GPC6: variants seen among roughly 807,000 people sequenced by gnomAD.
The protein encoded by GPC6 is glypican-6.
A neutral mutation model predicts 55.2 loss-of-function variants in GPC6; 14 were observed. That is an observed-to-expected ratio of 0.25 (90% CI 0.17 to 0.40). The LOEUF (loss-of-function observed/expected upper bound fraction) is 0.40, where lower values mean the gene tolerates loss of function less well. Ranked by LOEUF, GPC6 falls within the 10% of genes least tolerant of loss-of-function variation. GPC6 has a pLI of 1.00. For missense variants in GPC6, 641 were observed against 708.5 expected, an observed-to-expected ratio of 0.90 and a Z score of 1.08; for synonymous variants, 278 against 259.6, an observed-to-expected ratio of 1.07 and a Z score of -0.68.
At chr13:93,331,567 T>C (rs1026857046) in intron 1 of GPC6, among the ~76,000 whole-genome samples, 4 of 152,196 alleles carry the variant, frequency 2.6e-5, no homozygotes, top group Admixed American at 6.5e-5. Flanking sequence ...ATCTGGAGAA[T>C]TGATATTTTT....
chr13:93,653,642 A>AT (rs1449907822), intron 2 of GPC6, among the ~76,000 whole-genome samples: 766 of 57,724 alleles, frequency 0.013, 8 homozygotes, highest in African/African-American at 0.026. Flanking sequence ...AAACTTAAAA[A>AT]AAATATATAT....
chr13:94,393,522 G>A (rs1420101775), intron 7 of GPC6, among the ~76,000 whole-genome samples: 1 of 152,166 alleles, frequency 6.6e-6, no homozygotes, highest in Admixed American at 6.5e-5. Context: ...TGTATTGAGT[G>A]GAGCTCATTT....
intron 1 of GPC6, among the ~76,000 whole-genome samples, chr13:93,438,234 C>T (rs1429471380): frequency 1.3e-5 from 2 of 152,248 alleles, no homozygotes; most frequent in Admixed American, 1.3e-4. Context: ...CCTGCTAACA[C>T]GATACCCATT....
At chr13:94,173,215 G>C (rs1233599017) in intron 4 of GPC6, among the ~76,000 whole-genome samples, 1 of 152,092 alleles carries the variant, frequency 6.6e-6, no homozygotes, top group Non-Finnish European at 1.5e-5. Context: ...TCTGGCTGGG[G>C]ACTTGAAACT....
intron 1 of GPC6, among the ~76,000 whole-genome samples, chr13:93,515,015 G>A (rs1208238993): frequency 6.6e-6 from 1 of 152,104 alleles, no homozygotes. Flanking sequence ...GCCTTTGTGG[G>A]GTAACCAGGT....
intron 6 of GPC6, among the ~76,000 whole-genome samples, chr13:94,316,915 A>T (rs1001248901): frequency 3.9e-5 from 6 of 152,210 alleles, no homozygotes; most frequent in Admixed American, 1.3e-4. Context: ...GGCTGCAGCA[A>T]ATCAAATTGT....
At chr13:94,357,622 C>T (rs566898998) in intron 6 of GPC6, among the ~76,000 whole-genome samples, 2 of 152,306 alleles carry the variant, frequency 1.3e-5, no homozygotes, top group East Asian at 1.9e-4. Context: ...TGGTCACAGC[C>T]CTAAGGTACC....
intron 4 of GPC6, among the ~76,000 whole-genome samples, chr13:94,184,236 A>T (rs2138951301): frequency 6.6e-6 from 1 of 152,264 alleles, no homozygotes; most frequent in East Asian, 1.9e-4. Context: ...TTTTGGCTAA[A>T]TCTCCCAAAG....
intron 3 of GPC6, among the ~76,000 whole-genome samples, chr13:93,889,185 A>G (rs1308666809): frequency 2.0e-5 from 3 of 152,088 alleles, no homozygotes; most frequent in Non-Finnish European, 4.4e-5. Flanking sequence ...TGAAACATTT[A>G]TATACTCACT....
At chr13:93,667,437 A>ATT (rs199850025) in intron 2 of GPC6, among the ~76,000 whole-genome samples, 158 of 142,774 alleles carry the variant, frequency 1.1e-3, no homozygotes, top group African/African-American at 3.8e-3. Context: ...GAAGTTCTGG[A>ATT]TTTTTTTTTT....
In GPC6 at chr13:94,124,742, T is replaced by C. The variant is rs112818828; in HGVS notation, c.877+96848T>C. On this transcript the variant is annotated intron_variant, in intron 4 of 8. Coordinates refer to ENST00000377047, the MANE Select transcript of GPC6 (RefSeq NM_005708.5). ...GAAAGGTTTTTAAGAATTCAATTTG[T>C]AGAGACAGAGATTGAAAGCAAGGAC... is the stretch of plus-strand genomic sequence containing the variant. Among the ~76,000 whole-genome samples the C allele has an allele frequency of 5.2e-3, 786 of 152,260 alleles. 6 individuals carry two copies. Among genetic ancestry groups the C allele is most frequent in the African/African-American group, 0.018 (756 of 41,554 alleles).
At chr13:94,324,994 C>G (rs1877039501) in intron 6 of GPC6, among the ~76,000 whole-genome samples, 1 of 152,086 alleles carries the variant, frequency 6.6e-6, no homozygotes, top group Non-Finnish European at 1.5e-5. Context: ...CGTTAGAATC[C>G]TCGTGGTGTC....
intron 1 of GPC6, among the ~76,000 whole-genome samples, chr13:93,372,234 G>A (rs1244392005): frequency 6.6e-6 from 1 of 152,056 alleles, no homozygotes; most frequent in African/African-American, 2.4e-5. Context: ...AAGATTTGTA[G>A]TAACAAGGCA....
intron 3 of GPC6, among the ~76,000 whole-genome samples, chr13:93,832,642 T>C (rs1361540994): frequency 6.6e-6 from 1 of 152,072 alleles, no homozygotes; most frequent in East Asian, 1.9e-4. Flanking sequence ...ATCCCTCCTG[T>C]TTTTCAGTGA....
At chr13:93,379,389 G>T (rs1875061373) in intron 1 of GPC6, among the ~76,000 whole-genome samples, 1 of 152,100 alleles carries the variant, frequency 6.6e-6, no homozygotes, top group South Asian at 2.1e-4. Context: ...ATTCATATAA[G>T]AAATCTATTA....
intron 6 of GPC6, among the ~76,000 whole-genome samples, chr13:94,309,711 T>TGATCTGAGTCTATCGCAGTCCCTACCG (rs1876138786): frequency 6.6e-6 from 1 of 151,888 alleles, no homozygotes; most frequent in South Asian, 2.1e-4. Context: ...GAAAGCCAAC[T>TGATCTGAGTCTATCGCAGTCCCTACCG]CATCTGAGTC....
intron 3 of GPC6, among the ~76,000 whole-genome samples, chr13:93,902,582 T>G (rs1876420329): frequency 1.3e-5 from 2 of 152,180 alleles, no homozygotes; most frequent in Admixed American, 6.5e-5. Flanking sequence ...GTAGTGAGAT[T>G]GCTGGATCAT....
chr13:93,524,765 G>C (rs906944972), intron 1 of GPC6, among the ~76,000 whole-genome samples: 19 of 152,192 alleles, frequency 1.2e-4, no homozygotes, highest in Admixed American at 7.2e-4. Context: ...TAGTTGGGCT[G>C]ATGCTATTAC....
chr13:93,413,303 A>AT, intron 1 of GPC6, among the ~76,000 whole-genome samples: 1 of 152,156 alleles, frequency 6.6e-6, no homozygotes. Flanking sequence ...AGGAGTGATT[A>AT]TTGCAGGGTT....
Sources: allele counts gnomAD v4.1 joint callset (sites outside exome capture counted in the v4.1 genomes callset), GRCh38; gene constraint gnomAD v4.1.1; transcripts MANE v1.5; gene names NCBI Gene and HGNC (gene_info 2026-07-23, HGNC 2026-07-21).